The following TDP1 variants were observed in gnomAD, a reference collection of about 807,000 sequenced individuals.
TDP1 encodes tyrosyl-DNA phosphodiesterase 1.
TDP1 carries 64 observed loss-of-function variants against 81.5 expected under a neutral mutation model. The observed-to-expected ratio is 0.79, with a 90% CI of 0.64 to 0.97. TDP1 has a LOEUF of 0.97. Among genes scored for constraint, TDP1 ranks in the 50% least tolerant of loss-of-function variants. The pLI is 0.00. For synonymous variants in TDP1, 256 were observed against 264.3 expected (o/e 0.97, Z 0.30); for missense variants, 723 against 743.8 (o/e 0.97, Z 0.33).
intron 14 of TDP1, among the ~76,000 whole-genome samples, chr14:90,012,195 A>G (rs1884791173): frequency 6.6e-6 from 1 of 152,188 alleles, no homozygotes. Context: ...ACATAAGTTA[A>G]GAATTGAGGT....
rs1894863920 is a variant in TDP1, at chr14:89,980,615, G to A, written c.867G>A (p.Trp289Ter). Reference protein sequence around the residue: ...IHTSNLIHADWHQKTQGIWLS... With the variant: ...IHTSNLIHAD ...CCTCCAACCTCATCCATGCTGACTG[G>A]CACCAGAAAACTCAAGGGTTCGTAG... The change falls in exon 8 of 17, where the codon TGG (tryptophan) becomes TGA (stop). Residue 289 changes from tryptophan to a stop codon, truncating the protein, a stop_gained. Transcript: ENST00000335725. LOFTEE classifies it high-confidence loss of function. 6.2e-7 allele frequency: 1 copy of A among 1,614,010 alleles called. No homozygotes were observed. Among genetic ancestry groups the A allele is most frequent in the African/African-American group, 1.3e-5 (1 of 74,918 alleles).
intron 15 of TDP1, among the ~76,000 whole-genome samples, chr14:90,028,753 G>C (rs1886929689): frequency 6.6e-6 from 1 of 152,112 alleles, no homozygotes; most frequent in Admixed American, 6.5e-5. Context: ...AAGCATATTG[G>C]TTTCTGTCAG....
At chr14:89,970,719 G>C in intron 5 of TDP1, 4 of 527,454 alleles carry the variant, frequency 7.6e-6, no homozygotes, top group Non-Finnish European at 9.7e-6. Flanking sequence ...TCACTGCTCT[G>C]TGTTAGCCCT....
At chr14:89,964,081 C>G (rs1287280527) in intron 3 of TDP1, among the ~76,000 whole-genome samples, 3 of 152,164 alleles carry the variant, frequency 2.0e-5, no homozygotes, top group Admixed American at 2.0e-4. Flanking sequence ...ATTCCCGATT[C>G]ATTAAATTGG....
rs1892553570 is a variant in TDP1, at chr14:89,963,325, G to A, written c.211G>A (p.Val71Ile). 4 of 1,614,064 alleles carry A rather than the reference G, an allele frequency of 2.5e-6. No individual in the cohort carries two copies. The highest frequency in any genetic ancestry group is 3.4e-6 in the Non-Finnish European group (4 of 1,180,050). ...TGTGAAATTCAGCAATACAGATTCAGTTTTACCTCCCAAAAGGCAGAAAAG... is the reference window on the plus strand; with the variant it reads ...TGTGAAATTCAGCAATACAGATTCAATTTTACCTCCCAAAAGGCAGAAAAG... ...SPVKFSNTDSVLPPKRQKSGS... is the reference protein window; with the variant it reads ...SPVKFSNTDSILPPKRQKSGS... The change falls in exon 3 of 17, where the codon GTT (valine) becomes ATT (isoleucine). Residue 71 changes from valine (V) to isoleucine (I), a missense_variant. Coordinates refer to ENST00000335725, the MANE Select transcript of TDP1 (RefSeq NM_018319.4).
chr14:89,966,242 TAAAC>T (rs752957316), intron 4 of TDP1, 52 bp downstream of exon 4: 25 of 1,163,362 alleles, frequency 2.1e-5, no homozygotes, highest in Admixed American at 3.4e-5. Context: ...GACAGGTAAT[TAAAC>T]AACTCCATAA....
At chr14:89,993,267 A>G in intron 13 of TDP1, 109 bp from the exon 14 acceptor site, 3 of 1,233,660 alleles carry the variant, frequency 2.4e-6, no homozygotes, top group Non-Finnish European at 3.4e-6. Context: ...TCGTGTAGCC[A>G]CTGTTGATTT....
chr14:90,039,402 C>T (rs1253617439), intron 16 of TDP1, among the ~76,000 whole-genome samples: 1 of 152,144 alleles, frequency 6.6e-6, no homozygotes, highest in Non-Finnish European at 1.5e-5. Context: ...CTTTGGCATT[C>T]CACCCTGCCC....
chr14:90,033,410 A>G (rs1387958324), intron 16 of TDP1, 196 bp downstream of exon 16: 1 of 668,870 alleles, frequency 1.5e-6, no homozygotes, highest in Non-Finnish European at 2.7e-6. Flanking sequence ...GCACTCCTAT[A>G]ATTACTATAC....
At chr14:89,955,822 G>T (rs113492506), upstream of TDP1, 3,708 of 152,546 alleles carry the variant, frequency 0.024, 59 homozygotes, top group African/African-American at 0.044. Flanking sequence ...CACCCGGCGG[G>T]CTTTAGGACC....
At chr14:89,960,540 A>C (rs1892205726) in intron 2 of TDP1, among the ~76,000 whole-genome samples, 1 of 152,222 alleles carries the variant, frequency 6.6e-6, no homozygotes, top group Non-Finnish European at 1.5e-5. Flanking sequence ...TGTAGAAATA[A>C]ATAGAAACTT....
At chr14:89,982,295 T>C (rs539025914) in intron 8 of TDP1, among the ~76,000 whole-genome samples, 2 of 152,302 alleles carry the variant, frequency 1.3e-5, no homozygotes, top group East Asian at 3.9e-4. Context: ...AGCTGCTTGG[T>C]CTCTAAGTCT....
intron 6 of TDP1, chr14:89,975,292 G>GGTCT (rs1391033072): frequency 2.6e-6 from 1 of 385,032 alleles, no homozygotes; most frequent in African/African-American, 2.2e-5. Flanking sequence ...TAGCCAGGAT[G>GGTCT]GTCTCCATCT....
At chr14:89,982,305 T>C (rs1895067824) in intron 8 of TDP1, among the ~76,000 whole-genome samples, 1 of 152,226 alleles carries the variant, frequency 6.6e-6, no homozygotes, top group African/African-American at 2.4e-5. Flanking sequence ...TCTCTAAGTC[T>C]CAGCTGTAGC....
chr14:89,989,208 T>TG (rs1895910694), intron 11 of TDP1, 118 bp downstream of exon 11: 6 of 1,077,958 alleles, frequency 5.6e-6, no homozygotes, highest in East Asian at 3.6e-5. Flanking sequence ...TTTTTTTTTT[T>TG]GGCGTGGCGG....
chr14:90,034,986 C>G (rs1018978578), intron 16 of TDP1, among the ~76,000 whole-genome samples: 1 of 152,064 alleles, frequency 6.6e-6, no homozygotes, highest in African/African-American at 2.4e-5. Flanking sequence ...TCCTCTGTCC[C>G]GCTAACCATT....
At chr14:89,976,536 T>TG (rs1894349700) in intron 7 of TDP1, among the ~76,000 whole-genome samples, 1 of 122,224 alleles carries the variant, frequency 8.2e-6, no homozygotes, top group African/African-American at 4.3e-5. Flanking sequence ...TCTTTTTTTT[T>TG]TTTTTTTTTT....
In TDP1 at chr14:90,019,296, C is replaced by T. The variant is rs1265008225; in HGVS notation, c.1542-20C>T. 1.3e-6 allele frequency: 2 copies of T among 1,535,730 alleles called. No individual in the cohort carries two copies. Among genetic ancestry groups the T allele is most frequent in the Admixed American group, 3.3e-5 (2 of 59,920 alleles). ...AGATGCCTCCCTGAGTCAGCCCTAT[C>T]TGTGTCCTTGTCTCTGCAGCGCAAA... On this transcript the variant is annotated intron_variant, in intron 14 of 16. Transcript: ENST00000335725.
chr14:89,993,166 A>G, intron 13 of TDP1: 3 of 984,066 alleles, frequency 3.0e-6, no homozygotes, highest in Non-Finnish European at 3.6e-6. Flanking sequence ...GAAAGGTTGC[A>G]GTGCTTCTTG....
Sources: gnomAD v4.1 joint callset for allele counts (sites outside exome capture counted in the v4.1 genomes callset) on GRCh38, gnomAD v4.1.1 for gene constraint, MANE v1.5 for transcripts, NCBI Gene and HGNC (gene_info 2026-07-23, HGNC 2026-07-21) for gene names.